ALMS1: variants seen among roughly 807,000 people sequenced by gnomAD.
The protein encoded by ALMS1 is centrosome-associated protein ALMS1.
A neutral mutation model predicts 352.2 loss-of-function variants in ALMS1; 271 were observed. The ratio of observed to expected loss-of-function variants is 0.77; its 90% CI spans 0.70 to 0.85. The LOEUF is 0.85. Among genes scored for constraint, ALMS1 ranks in the 40% least tolerant of loss-of-function variants. The pLI is 0.00. For synonymous variants in ALMS1, 1,865 were observed against 1,761.2 expected, an observed-to-expected ratio of 1.06 and a Z score of -1.48; for missense variants, 5,445 against 4,870.7, an observed-to-expected ratio of 1.12 and a Z score of -3.51.
At chr2:73,426,328 A>T in intron 5 of ALMS1, 125 bp from the exon 6 acceptor site, 3 of 913,048 alleles carry the variant, frequency 3.3e-6, no homozygotes, top group African/African-American at 1.6e-5. Flanking sequence ...ATGCATCATT[A>T]ATTGCAGTCG....
At chr2:73,513,278 G>T (rs573193734) in intron 10 of ALMS1, among the ~76,000 whole-genome samples, 1 of 152,148 alleles carries the variant, frequency 6.6e-6, no homozygotes, top group South Asian at 2.1e-4. Context: ...CCCTGTGTCA[G>T]AATGCTCATC....
chr2:73,427,376 G>A (rs1027964587), intron 6 of ALMS1, among the ~76,000 whole-genome samples: 3 of 152,068 alleles, frequency 2.0e-5, no homozygotes, highest in South Asian at 4.1e-4. Flanking sequence ...TCCCAAATGA[G>A]CAACATACTA....
At position 73,448,192 on chromosome 2, in the gene ALMS1, A is replaced by G; in HGVS notation, c.1665A>G (p.Thr555=). 2 of 1,614,082 alleles carry G rather than the reference A, an allele frequency of 1.2e-6. No homozygotes were observed. The highest frequency in any genetic ancestry group is 2.2e-5 in the South Asian group (2 of 91,086). ...THLTEETLKV[T]AIPEPADQKT... is the part of the protein sequence containing the mutation. ...TAACTGAAGAGACTCTGAAAGTCACAGCTATTCCTGAACCAGCTGACCAGA... is the reference window on the plus strand; with the variant it reads ...TAACTGAAGAGACTCTGAAAGTCACGGCTATTCCTGAACCAGCTGACCAGA... Residue 555 remains threonine (T), a synonymous_variant, in exon 8 of 23, where the codon ACA becomes ACG. Coordinates refer to ENST00000613296, the MANE Select transcript of ALMS1 (RefSeq NM_001378454.1).
Position 73,452,866 on chromosome 2 carries a change from T to G in ALMS1, c.6339T>G (p.His2113Gln). 1 of 1,613,902 alleles carries G rather than the reference T, an allele frequency of 6.2e-7. No homozygotes were observed. The highest frequency in any genetic ancestry group is 8.5e-7 in the Non-Finnish European group (1 of 1,179,974). The part of the protein sequence containing the change: ...IFSPQELPGS[H>Q]VTEDVLKVST... ...GTCCACAGGAATTGCCAGGTAGTCA[T>G]GTAACTGAAGATGTGCTGAAGGTTT... Residue 2113 changes from histidine to glutamine, a missense_variant, in exon 8 of 23, where the codon CAT becomes CAG. By Grantham distance (24) the His-to-Gln change is conservative. Coordinates refer to ENST00000613296, the MANE Select transcript of ALMS1 (RefSeq NM_001378454.1).
At chr2:73,524,762 T>C (rs972350912) in intron 11 of ALMS1, among the ~76,000 whole-genome samples, 2 of 152,144 alleles carry the variant, frequency 1.3e-5, no homozygotes, top group African/African-American at 4.8e-5. Flanking sequence ...GTCTTTTGGT[T>C]ATTTTAAAAT....
intron 16 of ALMS1, among the ~76,000 whole-genome samples, chr2:73,587,001 T>G (rs1422197215): frequency 6.7e-6 from 1 of 148,872 alleles, no homozygotes. Context: ...TTTTGTGTTT[T>G]TTTTTGTTTG....
At chr2:73,473,944 G>GAGAGAA (rs1553407372) in intron 9 of ALMS1, among the ~76,000 whole-genome samples, 1 of 150,422 alleles carries the variant, frequency 6.6e-6, no homozygotes, top group Non-Finnish European at 1.5e-5. Flanking sequence ...GAGAGAGAGA[G>GAGAGAA]AGAAAGGGGC....
intron 7 of ALMS1, among the ~76,000 whole-genome samples, chr2:73,433,921 C>T (rs1671559677): frequency 6.6e-6 from 1 of 152,120 alleles, no homozygotes; most frequent in Non-Finnish European, 1.5e-5. Context: ...CATGTAATCT[C>T]TTTCATTTCA....
chr2:73,549,310 AT>A (rs1370875939), intron 12 of ALMS1, among the ~76,000 whole-genome samples: 2 of 152,204 alleles, frequency 1.3e-5, no homozygotes, highest in Non-Finnish European at 2.9e-5. Flanking sequence ...GTCATTTTCC[AT>A]TCAGTGTTTT....
At chr2:73,442,267 G>C (rs971405846) in intron 7 of ALMS1, among the ~76,000 whole-genome samples, 4 of 151,980 alleles carry the variant, frequency 2.6e-5, no homozygotes, top group African/African-American at 9.7e-5. Flanking sequence ...TTTTGGATTA[G>C]GTATGCACAA....
At chr2:73,588,936 T>G (rs1358340659) in intron 16 of ALMS1, among the ~76,000 whole-genome samples, 1 of 152,170 alleles carries the variant, frequency 6.6e-6, no homozygotes, top group Non-Finnish European at 1.5e-5. Context: ...GTAAATTTTT[T>G]TATACGTTTA....
intron 16 of ALMS1, among the ~76,000 whole-genome samples, chr2:73,575,749 A>C (rs569311448): frequency 6.6e-6 from 1 of 152,096 alleles, no homozygotes. Context: ...ATGATCTGCA[A>C]ATATTTTCTC....
chr2:73,502,137 C>A (rs1221105645), intron 10 of ALMS1, among the ~76,000 whole-genome samples: 1 of 151,992 alleles, frequency 6.6e-6, no homozygotes, highest in Non-Finnish European at 1.5e-5. Flanking sequence ...ATTTATTATT[C>A]TTTGGGTCAG....
intron 10 of ALMS1, among the ~76,000 whole-genome samples, chr2:73,509,739 G>C (rs1371423973): frequency 1.3e-5 from 2 of 152,034 alleles, no homozygotes; most frequent in Admixed American, 1.3e-4. Flanking sequence ...TATGTGTTTT[G>C]GGGTTGCTCT....
chr2:73,475,672 T>A (rs1383744270), intron 9 of ALMS1, among the ~76,000 whole-genome samples: 1 of 152,122 alleles, frequency 6.6e-6, no homozygotes, highest in Non-Finnish European at 1.5e-5. Context: ...TAGACTTTTT[T>A]ACTTTCTTGA....
intron 21 of ALMS1, among the ~76,000 whole-genome samples, chr2:73,607,735 C>T (rs1214500151): frequency 6.6e-6 from 1 of 151,976 alleles, no homozygotes; most frequent in East Asian, 1.9e-4. Flanking sequence ...CCTCTGCCAC[C>T]CAGGTTCAAG....
chr2:73,436,088 A>G (rs1671599915), intron 7 of ALMS1, among the ~76,000 whole-genome samples: 2 of 152,158 alleles, frequency 1.3e-5, no homozygotes, highest in South Asian at 4.1e-4. Flanking sequence ...TGGATCTGCA[A>G]GTTCCCTGTT....
chr2:73,561,961 A>G (rs1674672339), intron 15 of ALMS1, among the ~76,000 whole-genome samples: 1 of 152,108 alleles, frequency 6.6e-6, no homozygotes, highest in African/African-American at 2.4e-5. Context: ...AGGGAGATTT[A>G]GGGGATAGAA....
intron 16 of ALMS1, among the ~76,000 whole-genome samples, chr2:73,580,792 G>A (rs1351145326): frequency 6.6e-6 from 1 of 152,162 alleles, no homozygotes; most frequent in African/African-American, 2.4e-5. Flanking sequence ...TGTTTGTAAC[G>A]ACTGTACTCT....
Sources: gnomAD v4.1 joint callset for allele counts (sites outside exome capture counted in the v4.1 genomes callset) on GRCh38, gnomAD v4.1.1 for gene constraint, MANE v1.5 for transcripts, NCBI Gene and HGNC (gene_info 2026-07-23, HGNC 2026-07-21) for gene names.